Variants in SPHKAP observed in about 807,000 individuals in gnomAD.
SPHKAP encodes SPHK1 interactor, AKAP domain containing.
A neutral mutation model predicts 137.5 loss-of-function variants in SPHKAP; 67 were observed. The observed-to-expected ratio is 0.49, with a 90% confidence interval of 0.40 to 0.60. The LOEUF (loss-of-function observed/expected upper bound fraction) is 0.60. Among genes scored for constraint, SPHKAP ranks in the 20% least tolerant of loss-of-function variants. The pLI is 0.00. For synonymous variants in SPHKAP, 813 were observed against 785.3 expected (o/e 1.04, Z -0.59); for missense variants, 2,097 against 2,069.3 (o/e 1.01, Z -0.26).
At chr2:228,028,582 T>C (rs778303081) in intron 3 of SPHKAP, among the ~76,000 whole-genome samples, 16 of 152,246 alleles carry the variant, frequency 1.1e-4, no homozygotes, top group Non-Finnish European at 1.8e-4. Flanking sequence ...GTTTTTACCT[T>C]TTCTATGTTT....
At chr2:228,110,914 CTTAT>C (rs572810561) in intron 2 of SPHKAP, among the ~76,000 whole-genome samples, 116 of 151,846 alleles carry the variant, frequency 7.6e-4, no homozygotes, top group Non-Finnish European at 1.4e-3. Flanking sequence ...ATAACAAATT[CTTAT>C]TTATTTAATT....
intron 3 of SPHKAP, chr2:228,027,977 GA>G (rs767238383): frequency 1.1e-6 from 1 of 870,236 alleles, no homozygotes; most frequent in Non-Finnish European, 1.3e-6. Flanking sequence ...AAAAAAAAAA[GA>G]AAAAAGAAAA....
At chr2:228,058,054 T>C (rs1361048677) in intron 3 of SPHKAP, among the ~76,000 whole-genome samples, 1 of 152,226 alleles carries the variant, frequency 6.6e-6, no homozygotes, top group Non-Finnish European at 1.5e-5. Context: ...TCTCAGTTCC[T>C]TGTACATCTA....
intron 3 of SPHKAP, among the ~76,000 whole-genome samples, chr2:228,097,686 T>C (rs902706903): frequency 2.0e-5 from 3 of 152,070 alleles, no homozygotes; most frequent in African/African-American, 7.2e-5. Flanking sequence ...CAGTCTCCAG[T>C]GTCTGTTGTT....
intron 1 of SPHKAP, among the ~76,000 whole-genome samples, chr2:228,164,629 T>C (rs1007232307): frequency 6.6e-6 from 1 of 152,222 alleles, no homozygotes; most frequent in African/African-American, 2.4e-5. Flanking sequence ...CATCACATTG[T>C]TTTTAGGAGG....
intron 9 of SPHKAP, 102 bp from the exon 10 acceptor site, chr2:227,991,428 T>C (rs1693411373): frequency 6.3e-7 from 1 of 1,594,438 alleles, no homozygotes. Flanking sequence ...GCTTCTGAAG[T>C]TCATTCTGGA....
intron 3 of SPHKAP, among the ~76,000 whole-genome samples, chr2:228,048,342 G>A (rs998335044): frequency 1.4e-5 from 2 of 145,452 alleles, no homozygotes; most frequent in South Asian, 4.8e-4. Flanking sequence ...TGGTGAAACG[G>A]GGGGGTGGAG....
chr2:228,162,252 C>T (rs749680090), intron 1 of SPHKAP, among the ~76,000 whole-genome samples: 16 of 152,196 alleles, frequency 1.1e-4, no homozygotes, highest in Non-Finnish European at 2.1e-4. Context: ...ATGAGAAACT[C>T]TTCAGATGCT....
chr2:228,135,091 A>G (rs796626323), intron 1 of SPHKAP, among the ~76,000 whole-genome samples: 19 of 152,204 alleles, frequency 1.2e-4, no homozygotes, highest in African/African-American at 4.6e-4. Context: ...CCTGACCAAC[A>G]TGGAGAAACC....
chr2:228,017,553 C>T lies in SPHKAP; in HGVS notation c.3301G>A (p.Gly1101Ser), dbSNP rs1468585211. 1 of 1,613,432 alleles carries T rather than the reference C, an allele frequency of 6.2e-7. No homozygotes were observed. Among genetic ancestry groups the T allele is most frequent in the Admixed American group, 1.7e-5 (1 of 60,000 alleles). ...SEARAYVNSL[G>S]LMSTLSQPVS... ...GGCTGGCTCAGCGTGCTCATTAAGC[C>T]CAGGCTGTTGACATAGGCCCTGGCC... Residue 1101 changes from glycine (G) to serine (S), a missense_variant, in exon 7 of 12, where the codon GGC (glycine) becomes AGC (serine). By Grantham distance (56) the Gly-to-Ser change is moderately conservative (BLOSUM62 0). Coordinates refer to ENST00000392056, the MANE Select transcript of SPHKAP (RefSeq NM_001142644.2).
intron 6 of SPHKAP, 38 bp from the exon 7 acceptor site, chr2:228,020,194 G>C: frequency 6.5e-7 from 1 of 1,536,838 alleles, no homozygotes; most frequent in Non-Finnish European, 8.7e-7. Flanking sequence ...TTACTTTTTG[G>C]ATAGCAGGTT....
intron 3 of SPHKAP, among the ~76,000 whole-genome samples, chr2:228,034,929 G>A (rs193171227): frequency 0.023 from 3,494 of 151,444 alleles, 152 homozygotes; most frequent in African/African-American, 0.08. Context: ...ATATCATTCC[G>A]GATGGGCAAA....
At chr2:228,048,899 C>T (rs759647283) in intron 3 of SPHKAP, among the ~76,000 whole-genome samples, 111 of 152,204 alleles carry the variant, frequency 7.3e-4, no homozygotes, top group Non-Finnish European at 7.9e-4. Flanking sequence ...TAAGCGCACT[C>T]TATGTTTGCA....
rs533612560 is a variant in SPHKAP at position 228,124,178 on chromosome 2, G to T, written c.138+7802C>A. 5.1e-3 allele frequency among the ~76,000 whole-genome samples: 777 copies of T among 152,292 alleles called. 7 individuals carry two copies. The highest frequency in any genetic ancestry group is 0.017 in the African/African-American group (727 of 41,566). On this transcript the variant is annotated intron_variant, in intron 2 of 11. Transcript: ENST00000392056. ...AACCATTGTGGAAGTCAGTGTGGCA[G>T]TTCCTCAGGGATCTAGAACTAGAAA...
intron 3 of SPHKAP, among the ~76,000 whole-genome samples, chr2:228,075,977 G>A (rs1041951235): frequency 6.6e-6 from 1 of 152,204 alleles, no homozygotes; most frequent in Non-Finnish European, 1.5e-5. Context: ...CTCGTGTTGT[G>A]AGAGGAACAC....
At position 228,131,989 on chromosome 2, in the gene SPHKAP, G is replaced by A. The variant is rs781542340; in HGVS notation, c.129C>T (p.Ala43=). ...SGSGPGNSIT[A]CKKVLRSNSL... Reference sequence around the variant, plus strand: ...CGTAAGGCAAGGTTACCTTCTTACAGGCTGTGATGGAGTTCCCCGGGCCGC... The same window carrying A: ...CGTAAGGCAAGGTTACCTTCTTACAAGCTGTGATGGAGTTCCCCGGGCCGC... The change falls in exon 2 of 12, where the codon GCC becomes GCT. Residue 43 remains alanine, a synonymous_variant. Transcript: ENST00000392056. 3 of 1,613,968 alleles carry A rather than the reference G, an allele frequency of 1.9e-6. No individual in the cohort carries two copies. Among genetic ancestry groups the A allele is most frequent in the South Asian group, 1.1e-5 (1 of 91,078 alleles).
At chr2:228,117,390 C>A (rs939518437) in intron 2 of SPHKAP, among the ~76,000 whole-genome samples, 1 of 152,078 alleles carries the variant, frequency 6.6e-6, no homozygotes, top group African/African-American at 2.4e-5. Context: ...TTGGAAGAGG[C>A]ATGGGCATCA....
rs1223464636 is a variant in SPHKAP at position 228,019,515 on chromosome 2, G to A, written c.1339C>T (p.Leu447Phe). 6.2e-7 allele frequency: 1 copy of A among 1,614,170 alleles called. No individual in the cohort carries two copies. Among genetic ancestry groups the A allele is most frequent in the Admixed American group, 1.7e-5 (1 of 60,026 alleles). Reference protein sequence around the residue: ...DTVVSRSWNELPKIVVVQSPD... With the variant: ...DTVVSRSWNEFPKIVVVQSPD... The stretch of plus-strand genomic sequence containing the variant: ...CTCTGAACAACGACGATTTTGGGGA[G>A]CTCATTCCATGACCGAGAAACCACT... Residue 447 changes from leucine (L) to phenylalanine (F), a missense_variant, in exon 7 of 12, where the codon CTC (leucine) becomes TTC (phenylalanine). Physicochemically the swap from Leu to Phe is conservative, Grantham distance 22. Coordinates refer to ENST00000392056, the MANE Select transcript of SPHKAP (RefSeq NM_001142644.2).
Position 227,991,098 on chromosome 2 carries a change from C to T in SPHKAP, c.4861G>A (p.Asp1621Asn), listed in dbSNP as rs1452636451. 1.2e-6 allele frequency: 2 copies of T among 1,614,008 alleles called. No individual in the cohort carries two copies. Among genetic ancestry groups the T allele is most frequent in the African/African-American group, 2.7e-5 (2 of 74,928 alleles). The change falls in exon 11 of 12, where the codon GAT becomes AAT. Residue 1621 changes from aspartate (D) to asparagine (N), a missense_variant. Physicochemically the swap from Asp to Asn is conservative, Grantham distance 23. Transcript: ENST00000392056. Reference protein sequence around the residue: ...INFDLEPECPDAELRATLQWI... With the variant: ...INFDLEPECPNAELRATLQWI... ...TGCAGAGTGGCTCGGAGCTCGGCAT[C>T]TGGACACTCTGGCTCCAGGTCAAAG...
Sources: gnomAD v4.1 joint callset for allele counts (sites outside exome capture counted in the v4.1 genomes callset) on GRCh38, gnomAD v4.1.1 for gene constraint, MANE v1.5 for transcripts, NCBI Gene and HGNC (gene_info 2026-07-23, HGNC 2026-07-21) for gene names.